The following HS3ST4 variants were observed in gnomAD, a reference collection of about 807,000 sequenced individuals.
The protein encoded by HS3ST4 is heparan sulfate-glucosamine 3-sulfotransferase 4.
A neutral mutation model predicts 29.2 loss-of-function variants in HS3ST4; 17 were observed. That is an observed-to-expected ratio of 0.58 (90% CI 0.40 to 0.87). The LOEUF is 0.87. Among genes scored for constraint, HS3ST4 ranks in the 40% least tolerant of loss-of-function variants. HS3ST4 has a pLI of 0.00. For synonymous variants in HS3ST4, 314 were observed against 285.7 expected, an observed-to-expected ratio of 1.10 and a Z score of -1.00; for missense variants, 627 against 634.5, an observed-to-expected ratio of 0.99 and a Z score of 0.13.
intron 1 of HS3ST4, among the ~76,000 whole-genome samples, chr16:25,709,971 C>T (rs1202555475): frequency 2.0e-5 from 3 of 152,126 alleles, no homozygotes; most frequent in African/African-American, 7.2e-5. Flanking sequence ...TGCCCGGATT[C>T]GCTTCAAGTG....
intron 1 of HS3ST4, among the ~76,000 whole-genome samples, chr16:26,115,888 A>G (rs1159654763): frequency 2.0e-5 from 3 of 152,220 alleles, no homozygotes; most frequent in Non-Finnish European, 2.9e-5. Context: ...CGATTCCAGC[A>G]TCTAAGGCAG....
chr16:25,709,213 G>A (rs889877306), intron 1 of HS3ST4, among the ~76,000 whole-genome samples: 1 of 152,068 alleles, frequency 6.6e-6, no homozygotes, highest in Non-Finnish European at 1.5e-5. Flanking sequence ...TGTAAAGTGG[G>A]TGCTAGCCTG....
intron 1 of HS3ST4, among the ~76,000 whole-genome samples, chr16:26,113,470 ATGTGTGTGTGTGTGTGTG>A (rs55722050): frequency 7.6e-6 from 1 of 132,216 alleles, no homozygotes; most frequent in South Asian, 2.6e-4. Context: ...ACAATATATG[ATGTGTGTGTGTGTGTGTG>A]TGTGTGTGTG....
intron 1 of HS3ST4, among the ~76,000 whole-genome samples, chr16:25,806,109 A>T (rs1966988423): frequency 6.6e-6 from 1 of 152,136 alleles, no homozygotes; most frequent in African/African-American, 2.4e-5. Flanking sequence ...TCTGTTATTG[A>T]TGGGCATTTG....
chr16:26,077,308 A>T lies in HS3ST4; in HGVS notation c.735-58304A>T, dbSNP rs1898674471. 2.0e-5 allele frequency among the ~76,000 whole-genome samples: 3 copies of T among 152,194 alleles called. 1 individual carries two copies. In the South Asian group the frequency reaches 6.2e-4, roughly 32 times the overall value. On this transcript the variant is annotated intron_variant, in intron 1 of 1. Coordinates refer to ENST00000331351, the MANE Select transcript of HS3ST4 (RefSeq NM_006040.3). Reference sequence around the variant, plus strand: ...GTTTACTTTATGTGACATTGCTTTGATCAGTAGCAAACCCAGATTCAAGGA... The same window carrying T: ...GTTTACTTTATGTGACATTGCTTTGTTCAGTAGCAAACCCAGATTCAAGGA...
At chr16:25,851,525 C>T (rs796608843) in intron 1 of HS3ST4, among the ~76,000 whole-genome samples, 10 of 151,856 alleles carry the variant, frequency 6.6e-5, no homozygotes, top group African/African-American at 1.2e-4. Context: ...TTTGGTTACT[C>T]GAGACCACCC....
At chr16:25,911,578 C>CACT (rs1968240687) in intron 1 of HS3ST4, among the ~76,000 whole-genome samples, 4 of 141,030 alleles carry the variant, frequency 2.8e-5, no homozygotes, top group Non-Finnish European at 6.0e-5. Flanking sequence ...GCAATCATAG[C>CACT]TCACTGCAGC....
At chr16:25,914,608 A>G (rs1315152787) in intron 1 of HS3ST4, among the ~76,000 whole-genome samples, 12 of 136,324 alleles carry the variant, frequency 8.8e-5, no homozygotes, top group Admixed American at 5.8e-4. Context: ...TGGTGTGTGT[A>G]GGGTGTGTGG....
At chr16:26,135,019 G>T (rs1898261338) in intron 1 of HS3ST4, among the ~76,000 whole-genome samples, 1 of 150,062 alleles carries the variant, frequency 6.7e-6, no homozygotes, top group Non-Finnish European at 1.5e-5. Context: ...TATCTTTTTG[G>T]TTTTTTTTTC....
intron 1 of HS3ST4, among the ~76,000 whole-genome samples, chr16:25,901,826 A>T (rs575120623): frequency 6.6e-6 from 1 of 151,914 alleles, no homozygotes; most frequent in Non-Finnish European, 1.5e-5. Flanking sequence ...CACTCCTTTC[A>T]TTTTTTCCAT....
chr16:25,855,905 C>T (rs1967569934), intron 1 of HS3ST4, among the ~76,000 whole-genome samples: 1 of 152,016 alleles, frequency 6.6e-6, no homozygotes, highest in South Asian at 2.1e-4. Flanking sequence ...TTAGGTGGGA[C>T]AGAAAGGATA....
At chr16:25,697,679 T>C (rs1176194383) in intron 1 of HS3ST4, among the ~76,000 whole-genome samples, 1 of 152,192 alleles carries the variant, frequency 6.6e-6, no homozygotes, top group Non-Finnish European at 1.5e-5. Flanking sequence ...AAGAGGAGCC[T>C]GGGAGTCCAC....
At chr16:25,698,309 C>A (rs189388184) in intron 1 of HS3ST4, among the ~76,000 whole-genome samples, 2 of 152,154 alleles carry the variant, frequency 1.3e-5, no homozygotes, top group African/African-American at 4.8e-5. Flanking sequence ...CAGAGTAAGA[C>A]CCTCCCATGT....
intron 1 of HS3ST4, among the ~76,000 whole-genome samples, chr16:26,114,209 G>T (rs1427522523): frequency 6.6e-6 from 1 of 152,180 alleles, no homozygotes; most frequent in African/African-American, 2.4e-5. Flanking sequence ...CCTTGCTGAG[G>T]AACTGAAACC....
chr16:25,896,913 C>T (rs1968072253), intron 1 of HS3ST4, among the ~76,000 whole-genome samples: 1 of 152,156 alleles, frequency 6.6e-6, no homozygotes, highest in South Asian at 2.1e-4. Context: ...AAAGCAAATA[C>T]CACATGTTCT....
chr16:25,865,018 A>G (rs1967680369), intron 1 of HS3ST4, among the ~76,000 whole-genome samples: 1 of 151,858 alleles, frequency 6.6e-6, no homozygotes, highest in Non-Finnish European at 1.5e-5. Context: ...ACATATGTGT[A>G]TACACCACAT....
chr16:25,825,218 G>GC (rs1967203309), intron 1 of HS3ST4, among the ~76,000 whole-genome samples: 2 of 152,302 alleles, frequency 1.3e-5, no homozygotes, highest in Admixed American at 1.3e-4. Flanking sequence ...TTAGGAAGAG[G>GC]CAAGTAAGGA....
chr16:26,026,268 A>G (rs994663347), intron 1 of HS3ST4, among the ~76,000 whole-genome samples: 1 of 152,208 alleles, frequency 6.6e-6, no homozygotes, highest in Admixed American at 6.5e-5. Flanking sequence ...ACCAGGACCA[A>G]TGCTTGGATT....
intron 1 of HS3ST4, among the ~76,000 whole-genome samples, chr16:26,050,364 G>A (rs991194524): frequency 2.0e-5 from 3 of 151,930 alleles, no homozygotes; most frequent in Non-Finnish European, 4.4e-5. Flanking sequence ...CTCATACCCT[G>A]AAATCATCCC....
Sources: allele counts gnomAD v4.1 joint callset (sites outside exome capture counted in the v4.1 genomes callset), GRCh38; gene constraint gnomAD v4.1.1; transcripts MANE v1.5; gene names NCBI Gene and HGNC (gene_info 2026-07-23, HGNC 2026-07-21).